GLT6D1: variants seen among roughly 807,000 people sequenced by gnomAD.
GLT6D1 encodes the protein glycosyltransferase 6 domain containing 1, also known as putative glycosyltransferase 6 domain-containing protein 1.
GLT6D1 carries 9 observed loss-of-function variants against 12.3 expected under a neutral mutation model. That is an observed-to-expected ratio of 0.73 (90% CI 0.44 to 1.27). The LOEUF is 1.27. Ranked by LOEUF, GLT6D1 falls within the 50% of genes most tolerant of loss-of-function variation. The probability of loss-of-function intolerance (pLI) is 0.00; values close to 1 mark genes in which losing one functional copy is unlikely to be tolerated. For synonymous variants in GLT6D1, 128 were observed against 132.3 expected (o/e 0.97, Z 0.23); for missense variants, 335 against 346.2 (o/e 0.97, Z 0.26).
chr9:135,624,420 A>G lies in GLT6D1; in HGVS notation c.508T>C (p.Phe170Leu). Residue 170 changes from phenylalanine (F) to leucine (L), a missense_variant, in exon 5 of 5, where the codon TTC becomes CTC. Phe to Leu is a conservative substitution (Grantham distance 22). Coordinates refer to ENST00000371763, the MANE Select transcript of GLT6D1 (RefSeq NM_182974.3). ...SHIQDEVDFL[F>L]SMAANQVFQN... ...AAGACCTGGTTGGCAGCCATGCTGA[A>G]GAGGAAGTCCACCTCGTCCTGGATG... 6.2e-7 allele frequency: 1 copy of G among 1,614,190 alleles called. No individual in the cohort carries two copies. The highest frequency in any genetic ancestry group is 1.1e-5 in the South Asian group (1 of 91,086).
chr9:135,633,296 C>T lies in GLT6D1; in HGVS notation c.72-1818G>A, dbSNP rs973967177. The stretch of plus-strand genomic sequence containing the variant: ...AGGCAGTCTTGCTCTGTCTCCCAGG[C>T]TGGAGTGCAGTGGTATGATCTCAAC... On this transcript the variant is annotated intron_variant, in intron 2 of 4. Coordinates refer to ENST00000371763, the MANE Select transcript of GLT6D1 (RefSeq NM_182974.3). 3.9e-5 allele frequency among the ~76,000 whole-genome samples: 6 copies of T among 152,134 alleles called. 1 individual carries two copies. The highest frequency in any genetic ancestry group is 3.3e-4 in the Admixed American group (5 of 15,268).
chr9:135,630,419 AAAG>A (rs1282182227), intron 3 of GLT6D1, among the ~76,000 whole-genome samples: 77 of 151,876 alleles, frequency 5.1e-4, no homozygotes, highest in African/African-American at 1.8e-3. Context: ...AAAAAAAAAA[AAAG>A]AAGACTACAC....
intron 2 of GLT6D1, among the ~76,000 whole-genome samples, chr9:135,638,079 T>A (rs1016350148): frequency 6.6e-6 from 1 of 152,202 alleles, no homozygotes; most frequent in Non-Finnish European, 1.5e-5. Context: ...GACTTACAGT[T>A]CCACATGGCT....
intron 3 of GLT6D1, among the ~76,000 whole-genome samples, chr9:135,627,837 T>A (rs1833554599): frequency 6.6e-6 from 1 of 152,190 alleles, no homozygotes; most frequent in Non-Finnish European, 1.5e-5. Context: ...TTTTTTGTTA[T>A]CTTTTTTATT....
In GLT6D1 at chr9:135,637,667, G is replaced by A. The variant is rs188188517; in HGVS notation, c.71+1450C>T. ...AATGAGACTGAGCATCTTGGCGTTCGCTTATTTCCCATCTGTATATCTTCT... is the reference window on the plus strand; with the variant it reads ...AATGAGACTGAGCATCTTGGCGTTCACTTATTTCCCATCTGTATATCTTCT... On this transcript the variant is annotated intron_variant, in intron 2 of 4. Coordinates refer to ENST00000371763, the MANE Select transcript of GLT6D1 (RefSeq NM_182974.3). Among the ~76,000 whole-genome samples the A allele has an allele frequency of 7.9e-5, 12 of 152,154 alleles. 1 individual carries two copies. The South Asian group carries it at 1.0e-3, about 13-fold the overall frequency.
chr9:135,623,910 A>G lies in GLT6D1; in HGVS notation c.*187T>C. Reference sequence around the variant, plus strand: ...TTATTTGGGAAGGATGTAAATTTGTATGTCTCTAAAAAATGGAAGGTCTTA... The same window carrying G: ...TTATTTGGGAAGGATGTAAATTTGTGTGTCTCTAAAAAATGGAAGGTCTTA... On this transcript the variant is annotated 3_prime_UTR_variant, in exon 5 of 5. Transcript: ENST00000371763. The G allele has an allele frequency of 1.9e-6, 1 of 519,166 alleles. No individual in the cohort carries two copies. The highest frequency in any genetic ancestry group is 3.4e-6 in the Non-Finnish European group (1 of 295,462). 32.2% of individuals were successfully genotyped at this position (519,166 alleles called of 1,614,324 possible). A position where few individuals can be genotyped will look rare whatever the true frequency, so the allele number is the denominator to read the frequency against.
At chr9:135,626,767 A>G (rs369656103) in intron 3 of GLT6D1, among the ~76,000 whole-genome samples, 2 of 152,102 alleles carry the variant, frequency 1.3e-5, no homozygotes, top group Admixed American at 6.5e-5. Flanking sequence ...ATCCAGCAGA[A>G]ATGAGAGATG....
chr9:135,624,775 G>C, intron 4 of GLT6D1, 105 bp from the exon 5 acceptor site: 2 of 722,590 alleles, frequency 2.8e-6, no homozygotes, highest in East Asian at 6.1e-5. Flanking sequence ...TGATGCCCAG[G>C]CTGGAGTGCA....
intron 2 of GLT6D1, among the ~76,000 whole-genome samples, chr9:135,633,310 T>C (rs564855117): frequency 6.6e-6 from 1 of 152,220 alleles, no homozygotes; most frequent in East Asian, 1.9e-4. Context: ...AGTGCAGTGG[T>C]ATGATCTCAA....
At position 135,624,132 on chromosome 9, in the gene GLT6D1, G is replaced by A. The variant is rs765416547; in HGVS notation, c.796C>T (p.Leu266Phe). 6.2e-7 allele frequency: 1 copy of A among 1,613,176 alleles called. No individual in the cohort carries two copies. The highest frequency in any genetic ancestry group is 8.5e-7 in the Non-Finnish European group (1 of 1,179,566). Residue 266 changes from leucine (L) to phenylalanine (F), a missense_variant, in exon 5 of 5, where the codon CTT (leucine) becomes TTT (phenylalanine). Transcript: ENST00000371763. ...NGLNSTYEKH[L>F]NKYFYLNKPT ...TTATTGAGGTAAAAATATTTGTTAA[G>A]GTGCTTTTCATAAGTGCTATTGAGT... is the stretch of plus-strand genomic sequence containing the variant.
chr9:135,635,445 C>G (rs1413041877), intron 2 of GLT6D1, among the ~76,000 whole-genome samples: 1 of 152,194 alleles, frequency 6.6e-6, no homozygotes, highest in Non-Finnish European at 1.5e-5. Context: ...GAGAATGGTG[C>G]CAGAAACCAA....
At chr9:135,633,407 G>A (rs563902773) in intron 2 of GLT6D1, among the ~76,000 whole-genome samples, 3 of 151,940 alleles carry the variant, frequency 2.0e-5, no homozygotes, top group South Asian at 4.2e-4. Context: ...CCACTGCCAC[G>A]CCTGGCTAAT....
intron 3 of GLT6D1, 109 bp downstream of exon 3, chr9:135,631,321 TG>T: frequency 1.2e-6 from 1 of 853,824 alleles, no homozygotes; most frequent in Non-Finnish European, 2.0e-6. Context: ...ACTCCAATTC[TG>T]GAAACGTCCC....
chr9:135,638,579 T>C (rs142897983), intron 2 of GLT6D1, among the ~76,000 whole-genome samples: 338 of 152,332 alleles, frequency 2.2e-3, no homozygotes, highest in Non-Finnish European at 4.2e-3. Context: ...CATTGTCTTT[T>C]ATGTGTATTT....
At chr9:135,631,546 C>A in intron 2 of GLT6D1, 68 bp from the exon 3 acceptor site, 1 of 1,227,846 alleles carries the variant, frequency 8.1e-7, no homozygotes, top group Non-Finnish European at 1.2e-6. Context: ...CTGTGATAGG[C>A]AGGCCCCGTT....
upstream of GLT6D1, among the ~76,000 whole-genome samples, chr9:135,641,156 G>A (rs1411813865): frequency 9.0e-6 from 1 of 111,684 alleles, no homozygotes; most frequent in Non-Finnish European, 2.3e-5. Context: ...CAGGGACAGG[G>A]ATCTTCTAAG....
chr9:135,633,891 A>G (rs1187446463), intron 2 of GLT6D1, among the ~76,000 whole-genome samples: 2 of 152,200 alleles, frequency 1.3e-5, no homozygotes, highest in African/African-American at 4.8e-5. Flanking sequence ...CCAAATAATG[A>G]GTGAGCACCT....
At chr9:135,628,327 T>A (rs1045658993) in intron 3 of GLT6D1, among the ~76,000 whole-genome samples, 11 of 152,100 alleles carry the variant, frequency 7.2e-5, no homozygotes, top group African/African-American at 2.7e-4. Flanking sequence ...TCTGCATCTA[T>A]TGAGATGATC....
chr9:135,627,018 A>T (rs1330362954), intron 3 of GLT6D1, among the ~76,000 whole-genome samples: 1 of 152,222 alleles, frequency 6.6e-6, no homozygotes, highest in Non-Finnish European at 1.5e-5. Flanking sequence ...GACAAAGAAC[A>T]TCTACAAATA....
Sources: gnomAD v4.1 joint callset for allele counts (sites outside exome capture counted in the v4.1 genomes callset) on GRCh38, gnomAD v4.1.1 for gene constraint, MANE v1.5 for transcripts, NCBI Gene and HGNC (gene_info 2026-07-23, HGNC 2026-07-21) for gene names.